TMTC2: variants seen among roughly 807,000 people sequenced by gnomAD.
The protein encoded by TMTC2 is transmembrane O-mannosyltransferase targeting cadherins 2, also known as protein O-mannosyl-transferase TMTC2.
A neutral mutation model predicts 82.4 loss-of-function variants in TMTC2; 43 were observed. The observed-to-expected ratio is 0.52, with a 90% CI of 0.41 to 0.67. The LOEUF (loss-of-function observed/expected upper bound fraction) is 0.67. Ranked by LOEUF, TMTC2 falls within the 30% of genes least tolerant of loss-of-function variation. The probability of loss-of-function intolerance (pLI) is 0.00; values close to 1 mark genes in which losing one functional copy is unlikely to be tolerated. For missense variants in TMTC2, 919 were observed against 1,012.4 expected (o/e 0.91, Z 1.25); for synonymous variants, 408 against 381.9 (o/e 1.07, Z -0.80).
intron 1 of TMTC2, among the ~76,000 whole-genome samples, chr12:82,761,371 C>T (rs895496723): frequency 2.0e-5 from 3 of 152,184 alleles, no homozygotes; most frequent in Admixed American, 6.5e-5. Flanking sequence ...ATAAGAGAAA[C>T]TGCAGAGCAA....
intron 1 of TMTC2, among the ~76,000 whole-genome samples, chr12:82,819,534 T>C (rs1240382337): frequency 6.9e-6 from 1 of 144,130 alleles, no homozygotes; most frequent in Non-Finnish European, 1.5e-5. Flanking sequence ...GGAGTTTCGC[T>C]CTCGTTGCCC....
chr12:83,074,854 C>T (rs1225625132), intron 11 of TMTC2, among the ~76,000 whole-genome samples: 5 of 152,114 alleles, frequency 3.3e-5, no homozygotes, highest in Non-Finnish European at 5.9e-5. Context: ...ACTGGATTTG[C>T]GCTCTCCCCT....
chr12:82,799,526 TTTC>T (rs1878894240), intron 1 of TMTC2, among the ~76,000 whole-genome samples: 1 of 152,078 alleles, frequency 6.6e-6, no homozygotes, highest in Non-Finnish European at 1.5e-5. Flanking sequence ...ATAGTAGACA[TTTC>T]TTCTTCAAGT....
chr12:83,109,449 C>A (rs1884526278), intron 11 of TMTC2, among the ~76,000 whole-genome samples: 1 of 152,100 alleles, frequency 6.6e-6, no homozygotes, highest in Non-Finnish European at 1.5e-5. Flanking sequence ...CAAACCATAT[C>A]AACCAGTCAC....
At chr12:82,999,834 A>G (rs1423963384) in intron 8 of TMTC2, among the ~76,000 whole-genome samples, 1 of 152,194 alleles carries the variant, frequency 6.6e-6, no homozygotes, top group East Asian at 1.9e-4. Context: ...AAACCATATC[A>G]TTCTGCCCCT....
intron 3 of TMTC2, among the ~76,000 whole-genome samples, chr12:82,907,207 T>TA (rs1339634805): frequency 6.6e-6 from 1 of 152,116 alleles, no homozygotes; most frequent in Non-Finnish European, 1.5e-5. Flanking sequence ...CTCATGCCTA[T>TA]AATACCAGCA....
intron 4 of TMTC2, among the ~76,000 whole-genome samples, chr12:82,938,859 T>C (rs1394108853): frequency 6.6e-6 from 1 of 152,206 alleles, no homozygotes; most frequent in East Asian, 1.9e-4. Flanking sequence ...GCATTCCTCA[T>C]GTCCTTTTCC....
At chr12:82,935,991 A>G (rs1433331892) in intron 4 of TMTC2, among the ~76,000 whole-genome samples, 2 of 152,140 alleles carry the variant, frequency 1.3e-5, no homozygotes, top group Non-Finnish European at 2.9e-5. Flanking sequence ...GAAGATCAGC[A>G]GCTTTGGGTA....
At chr12:82,722,398 C>CAA (rs67785786) in intron 1 of TMTC2, among the ~76,000 whole-genome samples, 4,800 of 102,534 alleles carry the variant, frequency 0.047, 200 homozygotes, top group East Asian at 0.16. Flanking sequence ...ACTAAAAATA[C>CAA]AAAAAAAAAA....
At chr12:83,102,601 G>T (rs1041866975) in intron 11 of TMTC2, among the ~76,000 whole-genome samples, 8 of 152,222 alleles carry the variant, frequency 5.3e-5, no homozygotes, top group African/African-American at 1.9e-4. Flanking sequence ...ACTGTGGGTT[G>T]TATAGTGGTT....
chr12:82,700,268 G>A (rs1454975192), intron 1 of TMTC2, among the ~76,000 whole-genome samples: 1 of 152,128 alleles, frequency 6.6e-6, no homozygotes, highest in Non-Finnish European at 1.5e-5. Flanking sequence ...AATGAGATAA[G>A]TTATGTAAAG....
chr12:82,876,612 AT>A (rs1872595797), intron 2 of TMTC2, among the ~76,000 whole-genome samples: 6 of 152,230 alleles, frequency 3.9e-5, no homozygotes, highest in Admixed American at 3.9e-4. Flanking sequence ...AAAATCTTAA[AT>A]CCTAAATATT....
chr12:83,050,953 A>C lies in TMTC2; in HGVS notation c.2202A>C (p.Ala734=), dbSNP rs1882322686. The change falls in exon 10 of 12, where the codon GCA becomes GCC. Residue 734 remains alanine (A), a synonymous_variant. Coordinates refer to ENST00000321196, the MANE Select transcript of TMTC2 (RefSeq NM_152588.3). The part of the protein sequence containing the change: ...EARLIEAAEM[A]KKAAELDSTE... ...GTCTCATAGAAGCAGCTGAGATGGC[A>C]AAAAAAGCAGCTGAACTAGACAGCA... is the stretch of plus-strand genomic sequence containing the variant. The C allele has an allele frequency of 1.2e-6, 2 of 1,611,654 alleles. No individual in the cohort carries two copies. Among genetic ancestry groups the C allele is most frequent in the African/African-American group, 1.3e-5 (1 of 74,774 alleles).
intron 2 of TMTC2, among the ~76,000 whole-genome samples, chr12:82,886,691 G>A (rs980548213): frequency 6.6e-6 from 1 of 152,134 alleles, no homozygotes; most frequent in Non-Finnish European, 1.5e-5. Context: ...TGGTGTGGGG[G>A]AGAAAACAAA....
chr12:82,930,127 C>T (rs1311848474), intron 3 of TMTC2, among the ~76,000 whole-genome samples: 2 of 152,128 alleles, frequency 1.3e-5, no homozygotes, highest in Non-Finnish European at 2.9e-5. Context: ...AAGACCCCTA[C>T]TGAAATCTGG....
intron 11 of TMTC2, among the ~76,000 whole-genome samples, chr12:83,087,899 C>A (rs1883716282): frequency 6.6e-6 from 1 of 152,192 alleles, no homozygotes; most frequent in Non-Finnish European, 1.5e-5. Flanking sequence ...GTTGCATTAG[C>A]CCCTCACAAG....
chr12:82,859,099 C>G (rs1871401807), intron 2 of TMTC2, among the ~76,000 whole-genome samples: 1 of 147,682 alleles, frequency 6.8e-6, no homozygotes, highest in African/African-American at 2.5e-5. Context: ...CGCGGAGTCT[C>G]ACACTGTCGC....
At chr12:82,701,118 C>A (rs1013456945) in intron 1 of TMTC2, among the ~76,000 whole-genome samples, 3 of 152,160 alleles carry the variant, frequency 2.0e-5, no homozygotes, top group Non-Finnish European at 2.9e-5. Flanking sequence ...GGTGGGGACA[C>A]AGTCATACCA....
intron 3 of TMTC2, among the ~76,000 whole-genome samples, chr12:82,924,715 C>T (rs575627342): frequency 7.2e-5 from 11 of 152,306 alleles, no homozygotes; most frequent in Non-Finnish European, 1.3e-4. Flanking sequence ...TTGGAAACCA[C>T]TGTAATTTTG....
Sources: allele counts gnomAD v4.1 joint callset (sites outside exome capture counted in the v4.1 genomes callset), GRCh38; gene constraint gnomAD v4.1.1; transcripts MANE v1.5; gene names NCBI Gene and HGNC (gene_info 2026-07-23, HGNC 2026-07-21).